FRYL: variants seen among roughly 807,000 people sequenced by gnomAD.
The protein encoded by FRYL is protein furry homolog-like.
In FRYL, 150 loss-of-function variants were observed where a neutral mutation model predicts 351.2. The ratio of observed to expected loss-of-function variants is 0.43; its 90% confidence interval spans 0.37 to 0.49. FRYL has a LOEUF of 0.49. Ranked by LOEUF, FRYL falls within the 20% of genes least tolerant of loss-of-function variation. The probability of loss-of-function intolerance (pLI) is 0.00; values close to 1 mark genes in which losing one functional copy is unlikely to be tolerated. For synonymous variants in FRYL, 1,153 were observed against 1,257.1 expected (o/e 0.92, Z 1.75); for missense variants, 3,036 against 3,619.3 (o/e 0.84, Z 4.13).
Position 48,762,091 on chromosome 4 carries a change from T to C in FRYL, c.-384+17987A>G, listed in dbSNP as rs544169335. Among the ~76,000 whole-genome samples the C allele has an allele frequency of 2.6e-5, 4 of 152,250 alleles. No individual in the cohort carries two copies. In the South Asian group the frequency reaches 6.2e-4, roughly 24 times the overall value. On this transcript the variant is annotated intron_variant, in intron 1 of 63. Transcript: ENST00000358350. Reference sequence around the variant, plus strand: ...ACAGAGAAGTCCAAAGTCTGCAACCTGGAGGAGGGTCCTCACCAGCATCCA... The same window carrying C: ...ACAGAGAAGTCCAAAGTCTGCAACCCGGAGGAGGGTCCTCACCAGCATCCA...
rs563969311 is a variant in FRYL at position 48,587,036 on chromosome 4, A to G, written c.1641-308T>C. 1.6e-4 allele frequency among the ~76,000 whole-genome samples: 24 copies of G among 151,854 alleles called. No homozygotes were observed. In the South Asian group the frequency reaches 4.3e-3, roughly 27 times the overall value. ...ATAATTAATCTTATTAATATTTAAG[A>G]TTAAATATTTAATATTTAGCCTCCC... On this transcript the variant is annotated intron_variant, in intron 18 of 63. Transcript: ENST00000358350.
Position 48,726,511 on chromosome 4 carries a change from G to A in FRYL, c.-383-15813C>T, listed in dbSNP as rs1225469644. On this transcript the variant is annotated intron_variant, in intron 1 of 63. Coordinates refer to ENST00000358350, the MANE Select transcript of FRYL (RefSeq NM_015030.2). Reference sequence around the variant, plus strand: ...AGCCTGGCCAACATGGTGAAACCCTGTCTCTACTAAAAATACAAAAATTAG... The same window carrying A: ...AGCCTGGCCAACATGGTGAAACCCTATCTCTACTAAAAATACAAAAATTAG... Among the ~76,000 whole-genome samples the A allele has an allele frequency of 6.6e-5, 10 of 152,156 alleles. No homozygotes were observed. In the South Asian group the frequency reaches 2.1e-3, roughly 32 times the overall value.
chr4:48,704,096 T>G (rs546429324), intron 2 of FRYL, among the ~76,000 whole-genome samples: 2 of 151,848 alleles, frequency 1.3e-5, no homozygotes, highest in Non-Finnish European at 2.9e-5. Flanking sequence ...AAATGTAACA[T>G]TAATGAAAAA....
chr4:48,730,282 G>A (rs1770579287), intron 1 of FRYL, among the ~76,000 whole-genome samples: 1 of 152,246 alleles, frequency 6.6e-6, no homozygotes, highest in African/African-American at 2.4e-5. Flanking sequence ...AAAGTGATGG[G>A]GAGAAGGAAA....
chr4:48,544,518 T>C (rs1191143732), intron 43 of FRYL, among the ~76,000 whole-genome samples: 2 of 152,328 alleles, frequency 1.3e-5, no homozygotes, highest in East Asian at 1.9e-4. Flanking sequence ...GTTTAATGTA[T>C]TTTTTCATAA....
rs941761780 is a variant in FRYL, at chr4:48,588,683, TTC to T, written c.1640+1060_1640+1061del. Among the ~76,000 whole-genome samples the T allele has an allele frequency of 1.4e-3, 214 of 151,988 alleles. 1 individual carries two copies. Among genetic ancestry groups the T allele is most frequent in the Middle Eastern group, 6.8e-3 (2 of 294 alleles). On this transcript the variant is annotated intron_variant, in intron 18 of 63. Coordinates refer to ENST00000358350, the MANE Select transcript of FRYL (RefSeq NM_015030.2). The stretch of plus-strand genomic sequence containing the variant: ...AAAAGGCATTGGCCCATGGGCCTCT[TTC>T]TCTCTCTCTCTACACATGCTTCCTG...
chr4:48,730,978 C>A (rs755572185), intron 1 of FRYL, among the ~76,000 whole-genome samples: 25 of 152,168 alleles, frequency 1.6e-4, no homozygotes, highest in Middle Eastern at 3.4e-3. Context: ...AGAACCACAT[C>A]ACGTGCAACG....
Position 48,732,303 on chromosome 4 carries a change from T to C in FRYL, c.-383-21605A>G, listed in dbSNP as rs1484772356. Among the ~76,000 whole-genome samples, 5 of 152,094 alleles carry C rather than the reference T, an allele frequency of 3.3e-5. No individual in the cohort carries two copies. In the East Asian group the frequency reaches 5.8e-4, roughly 18 times the overall value. ...AGATGCTGGAGAGGCTGTGGAAAAA[T>C]AGGAATGCTTTTACACTGTTGGTGG... On this transcript the variant is annotated intron_variant, in intron 1 of 63. Coordinates refer to ENST00000358350, the MANE Select transcript of FRYL (RefSeq NM_015030.2).
chr4:48,579,126 G>A lies in FRYL; in HGVS notation c.2375C>T (p.Ala792Val). 1 of 1,613,948 alleles carries A rather than the reference G, an allele frequency of 6.2e-7. No individual in the cohort carries two copies. Among genetic ancestry groups the A allele is most frequent in the Non-Finnish European group, 8.5e-7 (1 of 1,179,892 alleles). ...VISPSHIWIFAHVTQGQDPWI... is the reference protein window; with the variant it reads ...VISPSHIWIFVHVTQGQDPWI... The stretch of plus-strand genomic sequence containing the variant: ...TGGGTCTTGGCCTTGGGTCACATGT[G>A]CAAATATCCATATATGTGATGGACT... Residue 792 changes from alanine to valine, a missense_variant, in exon 23 of 64, where the codon GCA becomes GTA. Coordinates refer to ENST00000358350, the MANE Select transcript of FRYL (RefSeq NM_015030.2).
chr4:48,707,040 CCA>C (rs753118350), intron 2 of FRYL, among the ~76,000 whole-genome samples: 1 of 152,078 alleles, frequency 6.6e-6, no homozygotes, highest in Non-Finnish European at 1.5e-5. Flanking sequence ...CTCACAGCAA[CCA>C]TGAGACAATA....
At chr4:48,533,186 A>G (rs1728074060) in intron 49 of FRYL, among the ~76,000 whole-genome samples, 1 of 152,142 alleles carries the variant, frequency 6.6e-6, no homozygotes, top group Admixed American at 6.5e-5. Flanking sequence ...TTCTGAACAT[A>G]AGAAATGTAC....
chr4:48,754,088 C>T (rs1449228209), intron 1 of FRYL, among the ~76,000 whole-genome samples: 3 of 152,176 alleles, frequency 2.0e-5, no homozygotes, highest in African/African-American at 7.2e-5. Context: ...GCATTAAGTA[C>T]ATGCATTATA....
chr4:48,528,908 T>G (rs1187771185), intron 50 of FRYL, among the ~76,000 whole-genome samples: 1 of 152,180 alleles, frequency 6.6e-6, no homozygotes, highest in Non-Finnish European at 1.5e-5. Flanking sequence ...CTCATTTATA[T>G]TTGACTTTGT....
rs751660831 is a variant in FRYL, at chr4:48,595,649, C to T, written c.1189G>A (p.Val397Met). The change falls in exon 15 of 64, where the codon GTG becomes ATG. Residue 397 changes from valine (V) to methionine (M), a missense_variant. Physicochemically the swap from Val to Met is conservative, Grantham distance 21. This residue lies in a region of FRYL where 457 missense variants were observed against 566.6 expected (regional missense o/e 0.81). Transcript: ENST00000358350. ...TTGAGAGGTGTGTCACGAGGAACCA[C>T]ACTTCGTGAGCCTTTTGGAAAAAGT... Reference protein sequence around the residue: ...SALFPKGSRSVVPRDTPLNIF... With the variant: ...SALFPKGSRSMVPRDTPLNIF... 5 of 1,613,504 alleles carry T rather than the reference C, an allele frequency of 3.1e-6. No individual in the cohort carries two copies. The South Asian group carries it at 5.5e-5, about 18-fold the overall frequency.
intron 4 of FRYL, among the ~76,000 whole-genome samples, chr4:48,632,482 T>G (rs1753422382): frequency 6.6e-6 from 1 of 150,832 alleles, no homozygotes; most frequent in African/African-American, 2.4e-5. Flanking sequence ...AATCAAATCT[T>G]ATAATCATGA....
intron 3 of FRYL, chr4:48,637,748 A>G (rs1288947910): frequency 1.3e-5 from 2 of 152,116 alleles, no homozygotes; most frequent in East Asian, 1.9e-4. Flanking sequence ...TAAAAACTAA[A>G]TATCAGTATT....
At chr4:48,610,941 G>A (rs1748046826) in intron 7 of FRYL, among the ~76,000 whole-genome samples, 3 of 151,496 alleles carry the variant, frequency 2.0e-5, no homozygotes, top group Non-Finnish European at 4.4e-5. Context: ...CAATATTCAA[G>A]TAGTACTACA....
intron 3 of FRYL, among the ~76,000 whole-genome samples, chr4:48,664,177 A>T (rs1338519784): frequency 6.6e-6 from 1 of 152,226 alleles, no homozygotes; most frequent in Non-Finnish European, 1.5e-5. Flanking sequence ...CTCAGAGAAC[A>T]TCTGAAATAC....
chr4:48,561,547 A>T lies in FRYL; in HGVS notation c.3786T>A (p.His1262Gln). ...ACTGATAATATGAAACAGAATAGAG[A>T]TGTGGTAGAGGAGACAGCTGGCTGA... ...GVLSQLSPLP[H>Q]LYSVSYYQLS... Residue 1262 changes from histidine to glutamine, a missense_variant, in exon 33 of 64, where the codon CAT becomes CAA. This residue lies in a region of FRYL where 1,987 missense variants were observed against 2,311.7 expected (regional missense o/e 0.86). Coordinates refer to ENST00000358350, the MANE Select transcript of FRYL (RefSeq NM_015030.2). The T allele has an allele frequency of 2.5e-6, 4 of 1,612,766 alleles. No homozygotes were observed. Among genetic ancestry groups the T allele is most frequent in the Non-Finnish European group, 3.4e-6 (4 of 1,179,064 alleles).
Sources: gnomAD v4.1 joint callset for allele counts (sites outside exome capture counted in the v4.1 genomes callset) on GRCh38, gnomAD v4.1.1 for gene constraint, gnomAD v4.1.1 regional missense constraint, MANE v1.5 for transcripts, NCBI Gene and HGNC (gene_info 2026-07-23, HGNC 2026-07-21) for gene names.